Variants in OR7A5 observed in about 807,000 individuals in gnomAD.
OR7A5 encodes olfactory receptor family 7 subfamily A member 5, also known as olfactory receptor 7A5.
For missense variants in OR7A5, 319 were observed against 377.9 expected (o/e 0.84, Z 1.29); for synonymous variants, 140 against 146.7 (o/e 0.95, Z 0.33).
intron 1 of OR7A5, among the ~76,000 whole-genome samples, chr19:14,832,731 A>G (rs1038417892): frequency 1.3e-5 from 2 of 151,944 alleles, no homozygotes; most frequent in Non-Finnish European, 2.9e-5. Flanking sequence ...GGCTACCTTC[A>G]TATTTTCATA....
chr19:14,827,240 G>T lies in OR7A5; in HGVS notation c.*42C>A. ...CAAGTTCTATTTCCACTATCTGATT[G>T]AAGAATGACAGTTACTACCTCTGAA... On this transcript the variant is annotated 3_prime_UTR_variant, in exon 2 of 2. Transcript: ENST00000322301. The T allele has an allele frequency of 6.7e-7, 1 of 1,490,288 alleles. No homozygotes were observed. Among genetic ancestry groups the T allele is most frequent in the East Asian group, 2.3e-5 (1 of 43,482 alleles). The allele number at this position is 1,490,288 out of a possible 1,614,324, so 92.3% of individuals were successfully genotyped here.
At position 14,826,448 on chromosome 19, in the gene OR7A5, A is replaced by G. The variant is rs2044768513; in HGVS notation, c.*834T>C. On this transcript the variant is annotated 3_prime_UTR_variant, in exon 2 of 2. Transcript: ENST00000322301. The stretch of plus-strand genomic sequence containing the variant: ...ACTAAAAATTTTGAAGCAAAAACAG[A>G]AGTATGGATGCATGAAACATTATAG... 6.6e-6 allele frequency: 1 copy of G among 152,230 alleles called. No individual in the cohort carries two copies. The highest frequency in any genetic ancestry group is 6.5e-5 in the Admixed American group (1 of 15,282). 9.4% of individuals were successfully genotyped at this position (152,230 alleles called of 1,614,324 possible).
chr19:14,830,997 C>A (rs1235313757), intron 1 of OR7A5, among the ~76,000 whole-genome samples: 1 of 152,248 alleles, frequency 6.6e-6, no homozygotes, highest in East Asian at 1.9e-4. Flanking sequence ...AAATCCCCAG[C>A]AAGCCTTTGC....
chr19:14,828,222 G>A lies in OR7A5; in HGVS notation c.20C>T (p.Thr7Ile). 2 of 1,611,958 alleles carry A rather than the reference G, an allele frequency of 1.2e-6. No homozygotes were observed. Among genetic ancestry groups the A allele is most frequent in the Non-Finnish European group, 1.7e-6 (2 of 1,178,472 alleles). Residue 7 changes from threonine (T) to isoleucine (I), a missense_variant, in exon 2 of 2, where the codon ACA becomes ATA. Thr to Ile is a moderately conservative substitution (Grantham distance 89). Transcript: ENST00000322301. MEPGND[T>I]QISEFLLLGF... ...CAGAAGAAGAAATTCTGAAATTTGT[G>A]TATCATTTCCTGGTTCCATTTGATT...
intron 1 of OR7A5, 133 bp from the exon 2 acceptor site, chr19:14,828,387 G>T: frequency 2.3e-6 from 2 of 876,132 alleles, no homozygotes; most frequent in South Asian, 1.9e-5. Flanking sequence ...TCTCTTTAAG[G>T]GATCTCCATG....
At chr19:14,834,700 A>T (rs1281563821) in intron 1 of OR7A5, among the ~76,000 whole-genome samples, 1 of 152,216 alleles carries the variant, frequency 6.6e-6, no homozygotes, top group African/African-American at 2.4e-5. Context: ...AGTAAAAAGG[A>T]AATGTCTTTA....
chr19:14,832,168 C>G (rs1237060338), intron 1 of OR7A5, among the ~76,000 whole-genome samples: 1 of 152,156 alleles, frequency 6.6e-6, no homozygotes, highest in Non-Finnish European at 1.5e-5. Flanking sequence ...GCTGGGCCTC[C>G]CAAAGTGCTG....
intron 1 of OR7A5, 138 bp downstream of exon 1, chr19:14,834,936 T>A (rs927791677): frequency 1.3e-5 from 2 of 152,214 alleles, no homozygotes; most frequent in Non-Finnish European, 2.9e-5. Context: ...AGTTAATTAA[T>A]CAACCAAGCA....
intron 1 of OR7A5, among the ~76,000 whole-genome samples, chr19:14,834,428 T>C (rs529675891): frequency 6.6e-6 from 1 of 152,308 alleles, no homozygotes; most frequent in African/African-American, 2.4e-5. Context: ...GTGAGTTGTT[T>C]AGAAGCATCA....
chr19:14,833,821 C>A (rs754687213), intron 1 of OR7A5, among the ~76,000 whole-genome samples: 12 of 132,486 alleles, frequency 9.1e-5, no homozygotes, highest in Admixed American at 1.5e-4. Context: ...TCAGCCTGAG[C>A]GGGGATGGAG....
At chr19:14,829,100 G>GA (rs1263555484) in intron 1 of OR7A5, among the ~76,000 whole-genome samples, 1 of 152,164 alleles carries the variant, frequency 6.6e-6, no homozygotes, top group African/African-American at 2.4e-5. Flanking sequence ...GGTGATGTTT[G>GA]AAAAAAGATC....
In OR7A5 at chr19:14,826,520, G is replaced by T. The variant is rs1307526121; in HGVS notation, c.*762C>A. 1.3e-5 allele frequency: 2 copies of T among 152,034 alleles called. No homozygotes were observed. The highest frequency in any genetic ancestry group is 6.6e-5 in the Admixed American group (1 of 15,264). 9.4% of individuals were successfully genotyped at this position (152,034 alleles called of 1,614,324 possible). Reference sequence around the variant, plus strand: ...CTCCAATAAATAAACTTATATATGGGCACTAAGCTTCCATACTTCAATGAG... The same window carrying T: ...CTCCAATAAATAAACTTATATATGGTCACTAAGCTTCCATACTTCAATGAG... On this transcript the variant is annotated 3_prime_UTR_variant, in exon 2 of 2. Transcript: ENST00000322301.
At position 14,832,104 on chromosome 19, in the gene OR7A5, C is replaced by T. The variant is rs574001035; in HGVS notation, c.-14+2970G>A. Among the ~76,000 whole-genome samples the T allele has an allele frequency of 2.1e-4, 32 of 152,172 alleles. No homozygotes were observed. In the South Asian group the frequency reaches 6.0e-3, roughly 29 times the overall value. On this transcript the variant is annotated intron_variant, in intron 1 of 1. Transcript: ENST00000322301. Reference sequence around the variant, plus strand: ...TGTTCATGCTTTGTAGAGACAGGGTCTTGTTTTGTTGCCCAGGCTGGTCTC... The same window carrying T: ...TGTTCATGCTTTGTAGAGACAGGGTTTTGTTTTGTTGCCCAGGCTGGTCTC...
chr19:14,830,621 T>G (rs955248043), intron 1 of OR7A5, among the ~76,000 whole-genome samples: 4 of 152,232 alleles, frequency 2.6e-5, no homozygotes, highest in African/African-American at 9.6e-5. Flanking sequence ...TGGTTTTTAA[T>G]TTAACAATAG....
intron 1 of OR7A5, among the ~76,000 whole-genome samples, chr19:14,828,796 ACTT>A (rs1426383210): frequency 1.3e-5 from 2 of 149,208 alleles, no homozygotes; most frequent in Non-Finnish European, 3.0e-5. Context: ...AAGAATGAGA[ACTT>A]CTTCTATGAA....
At chr19:14,834,999 G>T (rs1351873705) in intron 1 of OR7A5, 75 bp downstream of exon 1, 2 of 152,216 alleles carry the variant, frequency 1.3e-5, no homozygotes, top group Admixed American at 1.3e-4. Context: ...GCTCTCAGGT[G>T]ATCTCAGGTA....
intron 1 of OR7A5, among the ~76,000 whole-genome samples, chr19:14,828,758 CAAAAAAAAA>C (rs58983718): frequency 2.8e-5 from 1 of 35,152 alleles, no homozygotes; most frequent in African/African-American, 1.1e-4. Flanking sequence ...GACTCCATCT[CAAAAAAAAA>C]AAAAAAAAAA....
Position 14,826,807 on chromosome 19 carries a change from A to G in OR7A5, c.*475T>C, listed in dbSNP as rs1200959877. 6.5e-6 allele frequency: 1 copy of G among 153,358 alleles called. No individual in the cohort carries two copies. The highest frequency in any genetic ancestry group is 1.4e-5 in the Non-Finnish European group (1 of 68,966). The allele number at this position is 153,358 out of a possible 1,614,324, so 9.5% of individuals were successfully genotyped here. On this transcript the variant is annotated 3_prime_UTR_variant, in exon 2 of 2. Transcript: ENST00000322301. ...ATGATGTCCTAATGAGGACAACACA[A>G]TCTCATGACCAGCTGCAAAATACAC...
intron 1 of OR7A5, among the ~76,000 whole-genome samples, chr19:14,832,753 C>T (rs957183083): frequency 1.3e-5 from 2 of 151,482 alleles, no homozygotes; most frequent in African/African-American, 2.4e-5. Flanking sequence ...AAAGATGTGA[C>T]GATGTATGCA....
Sources: allele counts gnomAD v4.1 joint callset (sites outside exome capture counted in the v4.1 genomes callset), GRCh38; gene constraint gnomAD v4.1.1; transcripts MANE v1.5; gene names NCBI Gene and HGNC (gene_info 2026-07-23, HGNC 2026-07-21).